Variants in ATXN7 observed in about 807,000 individuals in gnomAD.
ATXN7 encodes ataxin 7.
ATXN7 carries 12 observed loss-of-function variants against 70.5 expected under a neutral mutation model. The observed-to-expected ratio is 0.17, with a 90% CI of 0.11 to 0.28. ATXN7 has a LOEUF of 0.28. Ranked by LOEUF, ATXN7 falls within the 10% of genes least tolerant of loss-of-function variation. ATXN7 has a pLI of 1.00. For missense variants in ATXN7, 1,256 were observed against 1,131.7 expected, an observed-to-expected ratio of 1.11 and a Z score of -1.58; for synonymous variants, 498 against 448.7, an observed-to-expected ratio of 1.11 and a Z score of -1.39.
At chr3:63,918,490 C>G (rs1230148379) in intron 4 of ATXN7, among the ~76,000 whole-genome samples, 1 of 152,182 alleles carries the variant, frequency 6.6e-6, no homozygotes, top group Non-Finnish European at 1.5e-5. Flanking sequence ...AATGATCCTC[C>G]TTGTATCCAT....
chr3:63,884,243 ACT>A lies in ATXN7; in HGVS notation c.-110-14152_-110-14151del, dbSNP rs1703009376. ...CACACACACACACACACACACACAT[ACT>A]CTCACACACACACACACTCATTCAC... On this transcript the variant is annotated intron_variant, in intron 1 of 12. Transcript: ENST00000674280. 5.0e-5 allele frequency among the ~76,000 whole-genome samples: 5 copies of A among 100,692 alleles called. No individual in the cohort carries two copies. The East Asian group carries it at 1.5e-3, about 31-fold the overall frequency. 66.1% of individuals were successfully genotyped at this position (100,692 alleles called of 152,430 possible).
At chr3:63,979,825 T>C (rs2075456118) in intron 5 of ATXN7, 90 bp from the exon 6 acceptor site, 2 of 1,560,918 alleles carry the variant, frequency 1.3e-6, no homozygotes, top group Non-Finnish European at 1.7e-6. Context: ...TGTTTTAACC[T>C]GAATATATTG....
intron 8 of ATXN7, among the ~76,000 whole-genome samples, chr3:63,986,511 A>T (rs1035493879): frequency 9.9e-5 from 15 of 152,260 alleles, no homozygotes; most frequent in Middle Eastern, 3.4e-3. Flanking sequence ...TGGACCAGTA[A>T]TATTATATGT....
chr3:63,990,150 C>T, intron 9 of ATXN7, 26 bp from the exon 10 acceptor site: 1 of 1,609,712 alleles, frequency 6.2e-7, no homozygotes, highest in Non-Finnish European at 8.5e-7. Flanking sequence ...GTGATCTGAT[C>T]CGTGCTGCAC....
At chr3:63,941,237 C>T (rs1575927401) in intron 4 of ATXN7, among the ~76,000 whole-genome samples, 1 of 152,032 alleles carries the variant, frequency 6.6e-6, no homozygotes, top group East Asian at 1.9e-4. Context: ...TCGTCTGGTG[C>T]AGGGGTCCCC....
At chr3:63,987,004 A>G (rs2075588502) in intron 8 of ATXN7, among the ~76,000 whole-genome samples, 1 of 152,234 alleles carries the variant, frequency 6.6e-6, no homozygotes, top group Non-Finnish European at 1.5e-5. Context: ...TCCACTCCTC[A>G]GGATTAGCAT....
At chr3:63,949,210 C>T (rs1042154103) in intron 4 of ATXN7, among the ~76,000 whole-genome samples, 1 of 150,562 alleles carries the variant, frequency 6.6e-6, no homozygotes, top group Non-Finnish European at 1.5e-5. Context: ...GTTCCTGTTG[C>T]TAAGGCCCCT....
chr3:63,895,199 T>C (rs750846558), intron 1 of ATXN7, among the ~76,000 whole-genome samples: 2 of 152,212 alleles, frequency 1.3e-5, no homozygotes, highest in Non-Finnish European at 2.9e-5. Context: ...TTGTGATTAG[T>C]AGGTTTGTGC....
chr3:63,912,645 C>G lies in ATXN7; in HGVS notation c.47C>G (p.Ala16Gly), dbSNP rs773822597. Residue 16 changes from alanine to glycine, a missense_variant, in exon 3 of 13, where the codon GCG becomes GGG. By Grantham distance (60) the Ala-to-Gly change is moderately conservative. Transcript: ENST00000674280. ...GACGTCAGGGGGGAGCCGCGCCGCG[C>G]GGCGGCGGCGGCGGGCGGAGCAGCG... ...ADDVRGEPRR[A>G]AAAAGGAAAA... 9.1e-5 allele frequency: 90 copies of G among 985,404 alleles called. No homozygotes were observed. The highest frequency in any genetic ancestry group is 1.1e-4 in the Non-Finnish European group (90 of 817,516). The allele number at this position is 985,404 out of a possible 1,614,324, so 61.0% of individuals were successfully genotyped here. A position where few individuals can be genotyped will look rare whatever the true frequency, so the allele number is the denominator to read the frequency against.
At chr3:63,900,587 C>T (rs928157490) in intron 2 of ATXN7, 7 of 152,270 alleles carry the variant, frequency 4.6e-5, no homozygotes, top group African/African-American at 1.7e-4. Context: ...ACAGGCTTTC[C>T]TGTGTGGTGT....
At chr3:63,927,917 T>A (rs1704780504) in intron 4 of ATXN7, among the ~76,000 whole-genome samples, 1 of 152,130 alleles carries the variant, frequency 6.6e-6, no homozygotes, top group African/African-American at 2.4e-5. Flanking sequence ...TCAAAAGATG[T>A]TGTTGTTTGG....
At chr3:63,976,600 C>A (rs975485231) in intron 5 of ATXN7, among the ~76,000 whole-genome samples, 1 of 152,048 alleles carries the variant, frequency 6.6e-6, no homozygotes, top group Middle Eastern at 3.2e-3. Flanking sequence ...AGTGGAATTC[C>A]ATATTAAGAG....
chr3:63,919,617 T>C (rs1190256679), intron 4 of ATXN7, among the ~76,000 whole-genome samples: 4 of 152,098 alleles, frequency 2.6e-5, no homozygotes, highest in Admixed American at 6.6e-5. Flanking sequence ...TTAATTATTA[T>C]ACTTTAAGTT....
rs1346158633 is a variant in ATXN7 at position 63,892,093 on chromosome 3, CAAGTT to C, written c.-110-6302_-110-6298del. On this transcript the variant is annotated intron_variant, in intron 1 of 12. Coordinates refer to ENST00000674280, the MANE Select transcript of ATXN7 (RefSeq NM_001377405.1). ...ACAGAGTTTAGCAGAGGGTCTGATC[CAAGTT>C]AAGCACTCAGCGAAAATTGTTCTTA... Among the ~76,000 whole-genome samples the C allele has an allele frequency of 1.3e-5, 2 of 152,074 alleles. 1 individual carries two copies. The highest frequency in any genetic ancestry group is 4.8e-5 in the African/African-American group (2 of 41,378).
chr3:63,946,480 A>T (rs192765368), intron 4 of ATXN7, among the ~76,000 whole-genome samples: 59 of 152,192 alleles, frequency 3.9e-4, no homozygotes, highest in Admixed American at 3.3e-3. Context: ...TCTACTAAAA[A>T]TACAAAAAGA....
intron 1 of ATXN7, among the ~76,000 whole-genome samples, chr3:63,897,404 A>G (rs1365251090): frequency 6.6e-6 from 1 of 152,254 alleles, no homozygotes; most frequent in African/African-American, 2.4e-5. Context: ...GGAATAACTT[A>G]AAACCTAATA....
chr3:63,990,438 G>A (rs1299192443), intron 10 of ATXN7, 64 bp downstream of exon 10: 1 of 1,575,730 alleles, frequency 6.3e-7, no homozygotes, highest in Non-Finnish European at 8.7e-7. Flanking sequence ...CACTGCAGGG[G>A]GGCGCGCCAG....
chr3:63,996,151 A>G lies in ATXN7; in HGVS notation c.2329A>G (p.Arg777Gly). ...AVNVRHDQSG[R>G]GPPTGSPAES... Reference sequence around the variant, plus strand: ...GAACGTCCGGCATGACCAGTCAGGGAGGGGCCCCCCCACCGGGAGCCCTGC... The same window carrying G: ...GAACGTCCGGCATGACCAGTCAGGGGGGGGCCCCCCCACCGGGAGCCCTGC... Residue 777 changes from arginine (R) to glycine (G), a missense_variant, in exon 12 of 13, where the codon AGG becomes GGG. Transcript: ENST00000674280. 6.2e-7 allele frequency: 1 copy of G among 1,614,128 alleles called. No individual in the cohort carries two copies. Among genetic ancestry groups the G allele is most frequent in the Non-Finnish European group, 8.5e-7 (1 of 1,180,022 alleles).
rs897498705 is a variant in ATXN7, at chr3:64,001,965, T to C, written c.*2498T>C. ...AAGATAATTTTTATATTCTTTCCAATAGAATTTCATGACAACTCCTGCAGT... is the reference window on the plus strand; with the variant it reads ...AAGATAATTTTTATATTCTTTCCAACAGAATTTCATGACAACTCCTGCAGT... On this transcript the variant is annotated 3_prime_UTR_variant, in exon 13 of 13. Transcript: ENST00000674280. 1 of 148,080 alleles carries C rather than the reference T, an allele frequency of 6.8e-6. No individual in the cohort carries two copies. The highest frequency in any genetic ancestry group is 2.5e-5 in the African/African-American group (1 of 39,790). 9.2% of individuals were successfully genotyped at this position (148,080 alleles called of 1,614,324 possible). A position where few individuals can be genotyped will look rare whatever the true frequency, so the allele number is the denominator to read the frequency against.
Sources: gnomAD v4.1 joint callset for allele counts (sites outside exome capture counted in the v4.1 genomes callset) on GRCh38, gnomAD v4.1.1 for gene constraint, MANE v1.5 for transcripts, NCBI Gene and HGNC (gene_info 2026-07-23, HGNC 2026-07-21) for gene names.